The following ELAVL4 variants were observed in gnomAD, a reference collection of about 807,000 sequenced individuals.
The protein encoded by ELAVL4 is ELAV like RNA binding protein 4.
In ELAVL4, 1 loss-of-function variant was observed where a neutral mutation model predicts 35.6. The ratio of observed to expected loss-of-function variants is 0.03; its 90% CI spans 0.01 to 0.13. The LOEUF (loss-of-function observed/expected upper bound fraction) is 0.13. Ranked by LOEUF, ELAVL4 falls within the 10% of genes least tolerant of loss-of-function variation. The probability of loss-of-function intolerance (pLI) is 1.00; values close to 1 mark genes in which losing one functional copy is unlikely to be tolerated. For missense variants in ELAVL4, 267 were observed against 464.9 expected, an observed-to-expected ratio of 0.57 and a Z score of 3.91; for synonymous variants, 156 against 171.0, an observed-to-expected ratio of 0.91 and a Z score of 0.69.
At position 50,195,714 on chromosome 1, in the gene ELAVL4, T is replaced by C; in HGVS notation, c.662T>C (p.Leu221Pro). Reference protein sequence around the residue: ...NNPSQKSSQALLSQLYQSPNR... With the variant: ...NNPSQKSSQAPLSQLYQSPNR... The stretch of plus-strand genomic sequence containing the variant: ...CCCAGCCAGAAGTCCAGCCAGGCCC[T>C]GCTCTCCCAGCTCTACCAGTCCCCC... Residue 221 changes from leucine to proline, a missense_variant, in exon 5 of 7, where the codon CTG becomes CCG. Physicochemically the swap from Leu to Pro is moderately conservative, Grantham distance 98. This residue lies in a region of ELAVL4 where 216 missense variants were observed against 409.5 expected (regional missense o/e 0.53). Coordinates refer to ENST00000371824, the MANE Select transcript of ELAVL4 (RefSeq NM_001144774.3). 6.2e-7 allele frequency: 1 copy of C among 1,614,162 alleles called. No homozygotes were observed.
chr1:50,056,729 C>G (rs542328118), intron 1 of ELAVL4, among the ~76,000 whole-genome samples: 2 of 152,106 alleles, frequency 1.3e-5, no homozygotes, highest in Non-Finnish European at 2.9e-5. Context: ...GAGGTCAGAT[C>G]GAGACCATCC....
In ELAVL4 at chr1:50,145,291, A is replaced by G. The variant is rs964370870; in HGVS notation, c.250+94A>G. On this transcript the variant is annotated intron_variant, in intron 2 of 6. Coordinates refer to ENST00000371824, the MANE Select transcript of ELAVL4 (RefSeq NM_001144774.3). Reference sequence around the variant, plus strand: ...GATGGTGCACCTGAATGTCTATATCATGTACCCTGCATGCAAGATGGCATG... The same window carrying G: ...GATGGTGCACCTGAATGTCTATATCGTGTACCCTGCATGCAAGATGGCATG... 3 of 1,557,030 alleles carry G rather than the reference A, an allele frequency of 1.9e-6. No homozygotes were observed. In the African/African-American group the frequency reaches 4.1e-5, roughly 21 times the overall value.
chr1:50,051,805 G>A (rs553313126), intron 1 of ELAVL4, among the ~76,000 whole-genome samples: 6 of 152,118 alleles, frequency 3.9e-5, no homozygotes, highest in Non-Finnish European at 7.4e-5. Context: ...GGGCTGCCAT[G>A]ACAAATATCA....
At chr1:50,093,550 T>A (rs943860903) in intron 1 of ELAVL4, among the ~76,000 whole-genome samples, 5 of 152,220 alleles carry the variant, frequency 3.3e-5, no homozygotes, top group Admixed American at 2.0e-4. Context: ...GGTTTGCCAT[T>A]ACTGGTTTAT....
At chr1:50,167,485 A>T (rs1048785679) in intron 2 of ELAVL4, among the ~76,000 whole-genome samples, 1 of 152,140 alleles carries the variant, frequency 6.6e-6, no homozygotes, top group Non-Finnish European at 1.5e-5. Flanking sequence ...CCTTTCCGTG[A>T]TGGAAGAGGT....
intron 1 of ELAVL4, among the ~76,000 whole-genome samples, chr1:50,088,137 A>G (rs1665331499): frequency 6.6e-6 from 1 of 152,176 alleles, no homozygotes; most frequent in Non-Finnish European, 1.5e-5. Flanking sequence ...GGAATAGCTT[A>G]TTGTTGACTG....
chr1:50,144,902 G>T, intron 1 of ELAVL4, 55 bp from the exon 2 acceptor site: 1 of 1,584,764 alleles, frequency 6.3e-7, no homozygotes, highest in South Asian at 1.2e-5. Context: ...TTTTAAAAGA[G>T]ACTTTGTGTC....
chr1:50,094,714 C>T (rs539046038), intron 1 of ELAVL4, among the ~76,000 whole-genome samples: 8 of 150,064 alleles, frequency 5.3e-5, no homozygotes, highest in East Asian at 2.0e-4. Flanking sequence ...GAGACCAGCC[C>T]GGCCAACTTG....
chr1:50,197,987 C>A (rs1644159166), intron 6 of ELAVL4, among the ~76,000 whole-genome samples: 1 of 152,220 alleles, frequency 6.6e-6, no homozygotes, highest in African/African-American at 2.4e-5. Flanking sequence ...GGATGACTTT[C>A]TAACTCCTGC....
chr1:50,064,346 A>G (rs1029408130), intron 1 of ELAVL4, among the ~76,000 whole-genome samples: 2 of 152,140 alleles, frequency 1.3e-5, no homozygotes, highest in South Asian at 2.1e-4. Flanking sequence ...ACCTGCTGAC[A>G]TTCTGTATGT....
At chr1:50,181,104 T>C (rs1680951498) in intron 3 of ELAVL4, 1 of 152,156 alleles carries the variant, frequency 6.6e-6, no homozygotes, top group Non-Finnish European at 1.5e-5. Flanking sequence ...ACACAATTGA[T>C]AAGCAAGACT....
At chr1:50,104,347 TTTAA>T (rs1666148688), upstream of ELAVL4, among the ~76,000 whole-genome samples, 1 of 152,264 alleles carries the variant, frequency 6.6e-6, no homozygotes, top group Non-Finnish European at 1.5e-5. Flanking sequence ...AGTGACATTT[TTTAA>T]TTAGTGTTTA....
At chr1:50,174,703 G>A (rs1051142667) in intron 2 of ELAVL4, 10 of 151,650 alleles carry the variant, frequency 6.6e-5, no homozygotes, top group African/African-American at 2.4e-4. Flanking sequence ...AATCTTCCTA[G>A]GACTTGAATG....
chr1:50,053,138 C>G (rs1663477563), intron 1 of ELAVL4, among the ~76,000 whole-genome samples: 1 of 152,136 alleles, frequency 6.6e-6, no homozygotes, highest in Admixed American at 6.5e-5. Flanking sequence ...TTTTACTTTT[C>G]ATTGTAATGA....
At chr1:50,141,356 G>C (rs1446927734) in intron 1 of ELAVL4, among the ~76,000 whole-genome samples, 1 of 152,178 alleles carries the variant, frequency 6.6e-6, no homozygotes, top group Non-Finnish European at 1.5e-5. Context: ...GGCCTGGGGG[G>C]TTTTTGCCAT....
intron 6 of ELAVL4, 93 bp downstream of exon 6, chr1:50,197,560 G>GA: frequency 4.3e-6 from 5 of 1,174,402 alleles, no homozygotes; most frequent in Admixed American, 3.0e-5. Context: ...TACTTTAAAA[G>GA]AAAAAAATTC....
At chr1:50,136,253 T>G (rs370301400) in intron 1 of ELAVL4, among the ~76,000 whole-genome samples, 1 of 152,118 alleles carries the variant, frequency 6.6e-6, no homozygotes, top group East Asian at 1.9e-4. Context: ...GAGCCTGCTG[T>G]GTAATTTTCT....
At chr1:50,137,969 T>A (rs1672161214) in intron 1 of ELAVL4, among the ~76,000 whole-genome samples, 1 of 152,200 alleles carries the variant, frequency 6.6e-6, no homozygotes, top group South Asian at 2.1e-4. Flanking sequence ...TCTCACTGAG[T>A]CCTTTTTATA....
chr1:50,112,905 G>A (rs553058217), intron 1 of ELAVL4, among the ~76,000 whole-genome samples: 40 of 152,176 alleles, frequency 2.6e-4, no homozygotes, highest in African/African-American at 2.6e-4. Flanking sequence ...ATGAGAGGAA[G>A]GCCAGATTGT....
Sources: allele counts gnomAD v4.1 joint callset (sites outside exome capture counted in the v4.1 genomes callset), GRCh38; gene constraint gnomAD v4.1.1; regional missense constraint gnomAD v4.1.1; transcripts MANE v1.5; gene names NCBI Gene and HGNC (gene_info 2026-07-23, HGNC 2026-07-21).